The following SLC6A13 variants were observed in gnomAD, a reference collection of about 807,000 sequenced individuals.
The protein encoded by SLC6A13 is sodium- and chloride-dependent GABA transporter 2.
In SLC6A13, 69 loss-of-function variants were observed where a neutral mutation model predicts 72.9. The ratio of observed to expected loss-of-function variants is 0.95; its 90% CI spans 0.78 to 1.16. The LOEUF is 1.16. Ranked by LOEUF, SLC6A13 falls within the 50% of genes most tolerant of loss-of-function variation. The pLI, the probability that SLC6A13 is intolerant of heterozygous loss-of-function variation, is 0.00. For synonymous variants in SLC6A13, 303 were observed against 303.0 expected, an observed-to-expected ratio of 1.00 and a Z score of 0.00; for missense variants, 735 against 760.5, an observed-to-expected ratio of 0.97 and a Z score of 0.39.
chr12:262,639 T>C (rs998391524), intron 1 of SLC6A13, 150 bp downstream of exon 1: 44 of 972,156 alleles, frequency 4.5e-5, no homozygotes, highest in African/African-American at 5.3e-5. Flanking sequence ...AAATAGCACA[T>C]AATCTTTGCA....
In SLC6A13 at chr12:221,506, G is replaced by C; in HGVS notation, c.1556C>G (p.Thr519Ser). The C allele has an allele frequency of 6.2e-7, 1 of 1,612,554 alleles. No individual in the cohort carries two copies. Among genetic ancestry groups the C allele is most frequent in the Non-Finnish European group, 8.5e-7 (1 of 1,179,182 alleles). The change falls in exon 14 of 15, where the codon ACC becomes AGC. Residue 519 changes from threonine (T) to serine (S), a missense_variant. Thr to Ser is a moderately conservative substitution (Grantham distance 58). Coordinates refer to ENST00000343164, the MANE Select transcript of SLC6A13 (RefSeq NM_016615.5). Reference protein sequence around the residue: ...LFSLIKYTPLTYNKKYTYPWW... With the variant: ...LFSLIKYTPLSYNKKYTYPWW... ...CGGGTACGTGTACTTCTTGTTGTAG[G>C]TCAGCGGAGTGTACTTTATCAGGGA...
chr12:232,122 A>C (rs1201776917), intron 7 of SLC6A13, among the ~76,000 whole-genome samples: 1 of 152,224 alleles, frequency 6.6e-6, no homozygotes, highest in African/African-American at 2.4e-5. Flanking sequence ...TCAGGGACAG[A>C]GTAAGCACGC....
chr12:223,860 A>T, intron 11 of SLC6A13, 132 bp downstream of exon 11: 1 of 1,002,634 alleles, frequency 1.0e-6, no homozygotes, highest in Non-Finnish European at 1.5e-6. Flanking sequence ...GATGGGGAAA[A>T]GAGGGAGTCC....
intron 7 of SLC6A13, 130 bp from the exon 8 acceptor site, chr12:227,798 C>T: frequency 1.3e-6 from 1 of 743,062 alleles, no homozygotes. Flanking sequence ...TCAGCCAACA[C>T]TTGCATCCTG....
chr12:238,398 T>C (rs979014776), intron 4 of SLC6A13: 2 of 1,223,792 alleles, frequency 1.6e-6, no homozygotes, highest in Non-Finnish European at 2.2e-6. Context: ...GAGCGCAGGT[T>C]GGAAAGCTCT....
intron 2 of SLC6A13, chr12:259,495 G>A (rs2137326186): frequency 1.5e-6 from 2 of 1,317,508 alleles, no homozygotes; most frequent in South Asian, 4.3e-5. Flanking sequence ...TTGAAAGGCA[G>A]GCATTATTAT....
At chr12:239,053 C>A (rs1472969777) in intron 4 of SLC6A13, among the ~76,000 whole-genome samples, 1 of 151,974 alleles carries the variant, frequency 6.6e-6, no homozygotes, top group Non-Finnish European at 1.5e-5. Context: ...CACACCATTC[C>A]CCTCAGCCAC....
intron 9 of SLC6A13, among the ~76,000 whole-genome samples, chr12:224,746 G>C (rs571320789): frequency 6.6e-6 from 1 of 152,352 alleles, no homozygotes; most frequent in East Asian, 1.9e-4. Context: ...ACAGAATCTA[G>C]AGACGGTAGG....
intron 7 of SLC6A13, among the ~76,000 whole-genome samples, chr12:229,942 G>A (rs918666338): frequency 6.6e-6 from 1 of 152,142 alleles, no homozygotes; most frequent in Non-Finnish European, 1.5e-5. Context: ...AGAGGTTAAT[G>A]AGAACTAAGG....
chr12:221,928 AC>A (rs1941229820), intron 13 of SLC6A13, among the ~76,000 whole-genome samples: 1 of 152,202 alleles, frequency 6.6e-6, no homozygotes, highest in South Asian at 2.1e-4. Flanking sequence ...TATCTGGCAC[AC>A]AGTGGGGAGC....
Position 224,400 on chromosome 12 carries a change from C to T in SLC6A13, c.1173+1G>A. The T allele has an allele frequency of 1.2e-6, 2 of 1,613,066 alleles. No homozygotes were observed. Among genetic ancestry groups the T allele is most frequent in the South Asian group, 1.1e-5 (1 of 91,068 alleles). ...GCCTCTGAGTGGCTGCCTCTTGATA[C>T]CTGGCTATCCAGTCCCAGGAGAACG... is the stretch of plus-strand genomic sequence containing the variant. On this transcript the variant is annotated splice_donor_variant, in intron 10 of 14. Transcript: ENST00000343164. LOFTEE classifies it high-confidence loss of function.
chr12:222,510 T>C (rs1251839579), intron 13 of SLC6A13, 22 bp downstream of exon 13: 8 of 1,523,914 alleles, frequency 5.2e-6, no homozygotes, highest in Non-Finnish European at 7.2e-6. Flanking sequence ...TTCATCTGAC[T>C]TTATCCCTGA....
chr12:259,606 C>T, intron 2 of SLC6A13: 2 of 1,416,910 alleles, frequency 1.4e-6, no homozygotes, highest in Non-Finnish European at 9.2e-7. Flanking sequence ...AAACTCTCAT[C>T]CACCTGGTTC....
chr12:227,772 G>T, intron 7 of SLC6A13, 104 bp from the exon 8 acceptor site: 1 of 971,178 alleles, frequency 1.0e-6, no homozygotes, highest in Non-Finnish European at 1.5e-6. Context: ...GGCTAGGGAT[G>T]GCGAGAAACC....
intron 6 of SLC6A13, among the ~76,000 whole-genome samples, chr12:236,202 T>G (rs1319038070): frequency 6.6e-6 from 1 of 152,228 alleles, no homozygotes; most frequent in Non-Finnish European, 1.5e-5. Flanking sequence ...TATTAGTAGA[T>G]CTGCTTTTTG....
In SLC6A13 at chr12:242,698, C is replaced by CAAA; in HGVS notation, c.393_394insTTT (p.Ile131_Val132insPhe). On this transcript the variant is annotated inframe_insertion, in exon 4 of 15. Transcript: ENST00000343164. ...AGGTAGAACAGGGCCCAGGCCAACA[C>CAAA]AATGATGTAGTAGACGTTGAGGAGG... 1 of 1,610,144 alleles carries CAAA rather than the reference C, an allele frequency of 6.2e-7. No homozygotes were observed. The highest frequency in any genetic ancestry group is 1.1e-5 in the South Asian group (1 of 90,012).
At chr12:224,347 C>A in intron 10 of SLC6A13, 54 bp downstream of exon 10, 3 of 1,506,062 alleles carry the variant, frequency 2.0e-6, no homozygotes, top group Admixed American at 3.3e-5. Flanking sequence ...TCCTCCTCCC[C>A]AGCACACACC....
intron 9 of SLC6A13, among the ~76,000 whole-genome samples, chr12:224,921 C>T (rs901560032): frequency 1.3e-5 from 2 of 152,134 alleles, no homozygotes; most frequent in Non-Finnish European, 2.9e-5. Flanking sequence ...GGAAGAGGAG[C>T]GATCACGCCC....
chr12:225,124 C>T lies in SLC6A13; in HGVS notation c.1061-611G>A, dbSNP rs1007058543. 5.9e-5 allele frequency among the ~76,000 whole-genome samples: 9 copies of T among 152,242 alleles called. No homozygotes were observed. The East Asian group carries it at 1.2e-3, about 20-fold the overall frequency. On this transcript the variant is annotated intron_variant, in intron 9 of 14. Coordinates refer to ENST00000343164, the MANE Select transcript of SLC6A13 (RefSeq NM_016615.5). ...CCTCGCGGCGCGTGAATGTTTCTCT[C>T]GACTGACTCATATGGCAGGAAAACA... is the stretch of plus-strand genomic sequence containing the variant.
Sources: allele counts gnomAD v4.1 joint callset (sites outside exome capture counted in the v4.1 genomes callset), GRCh38; gene constraint gnomAD v4.1.1; transcripts MANE v1.5; gene names NCBI Gene and HGNC (gene_info 2026-07-23, HGNC 2026-07-21).